The following ROBO2 variants were observed in gnomAD, a reference collection of about 807,000 sequenced individuals.
ROBO2 encodes the protein roundabout homolog 2.
ROBO2 carries 53 observed loss-of-function variants against 160.8 expected under a neutral mutation model. The observed-to-expected ratio is 0.33, with a 90% confidence interval of 0.26 to 0.41. ROBO2 has a LOEUF of 0.41. Among genes scored for constraint, ROBO2 ranks in the 10% least tolerant of loss-of-function variants. The pLI is 1.00. For missense variants in ROBO2, 1,577 were observed against 1,722.4 expected (o/e 0.92, Z 1.49); for synonymous variants, 664 against 611.7 (o/e 1.09, Z -1.26).
chr3:75,967,502 A>C (rs181183830), intron 2 of ROBO2, among the ~76,000 whole-genome samples: 1 of 151,702 alleles, frequency 6.6e-6, no homozygotes. Flanking sequence ...TACTACAATA[A>C]CTACAATAAT....
chr3:76,767,852 A>G (rs1272802303), intron 2 of ROBO2, among the ~76,000 whole-genome samples: 1 of 151,500 alleles, frequency 6.6e-6, no homozygotes. Context: ...ATCATCAAAA[A>G]CATAAATTTT....
intron 2 of ROBO2, among the ~76,000 whole-genome samples, chr3:76,540,100 G>A (rs927724810): frequency 4.6e-5 from 7 of 151,894 alleles, no homozygotes; most frequent in African/African-American, 1.7e-4. Context: ...ACAGAGTTGA[G>A]TATGCATGAG....
chr3:76,714,020 C>T (rs1448089824), intron 2 of ROBO2, among the ~76,000 whole-genome samples: 2 of 151,290 alleles, frequency 1.3e-5, no homozygotes, highest in Admixed American at 1.3e-4. Context: ...AAAAACTGTA[C>T]AGAAAACCGT....
chr3:77,312,590 T>C (rs1172040774), intron 2 of ROBO2, among the ~76,000 whole-genome samples: 1 of 152,202 alleles, frequency 6.6e-6, no homozygotes, highest in Non-Finnish European at 1.5e-5. Context: ...TTTTTAAATA[T>C]TTTTGAGTGA....
At chr3:75,960,526 T>G (rs866794921) in intron 2 of ROBO2, among the ~76,000 whole-genome samples, 1 of 151,802 alleles carries the variant, frequency 6.6e-6, no homozygotes, top group South Asian at 2.1e-4. Flanking sequence ...ATATATAACT[T>G]CTAATATTTT....
rs766273161 is a variant in ROBO2 at position 77,617,772 on chromosome 3, T to G, written c.3553T>G (p.Trp1185Gly). 1.0e-4 allele frequency: 168 copies of G among 1,611,558 alleles called. 1 individual carries two copies. Among genetic ancestry groups the G allele is most frequent in the Non-Finnish European group, 7.7e-5 (91 of 1,179,912 alleles). The stretch of plus-strand genomic sequence containing the variant: ...TCAGTTTGATATAGCAAAACAAACA[T>G]GGTAAATATCTTCATTAAGTCAAGA... The change falls in exon 22 of 26, where the codon TGG (tryptophan) becomes GGG (glycine). Residue 1185 changes from tryptophan to glycine, a missense_variant and splice_region_variant. Coordinates refer to ENST00000461745, the Ensembl canonical transcript of ROBO2.
intron 12 of ROBO2, among the ~76,000 whole-genome samples, chr3:77,566,260 C>T (rs1267017576): frequency 6.6e-6 from 1 of 152,038 alleles, no homozygotes; most frequent in Admixed American, 6.6e-5. Context: ...GAGGAAATGC[C>T]ATTTTGCTAT....
rs755070628 is a variant in ROBO2 at position 76,834,171 on chromosome 3, T to TTCTTTC, written c.110-263840_110-263839insTTCTCT. Among the ~76,000 whole-genome samples the TTCTTTC allele has an allele frequency of 2.6e-3, 306 of 117,104 alleles. 10 individuals are homozygous for TTCTTTC. The highest frequency in any genetic ancestry group is 8.3e-3 in the African/African-American group (260 of 31,304). The allele number at this position is 117,104 out of a possible 152,430, so 76.8% of individuals were successfully genotyped here. ...CCTTTCTTTCTCTCTCTTTCTTTCT[T>TTCTTTC]TCTCTCTCTCTCTCTCTCTTTCTTT... On this transcript the variant is annotated intron_variant, in intron 2 of 26. Transcript: ENST00000487694.
chr3:76,761,958 T>A (rs2061331024), intron 2 of ROBO2, among the ~76,000 whole-genome samples: 1 of 150,504 alleles, frequency 6.6e-6, no homozygotes, highest in African/African-American at 2.5e-5. Flanking sequence ...ATCATAAACT[T>A]TTTTTTATCT....
At chr3:77,623,825 G>A (rs866641925) in intron 23 of ROBO2, among the ~76,000 whole-genome samples, 5 of 152,178 alleles carry the variant, frequency 3.3e-5, no homozygotes, top group African/African-American at 1.2e-4. Context: ...TAGGAATGCA[G>A]TAACAAATTG....
chr3:76,934,482 C>T (rs2077558537), intron 2 of ROBO2, among the ~76,000 whole-genome samples: 1 of 152,106 alleles, frequency 6.6e-6, no homozygotes, highest in Non-Finnish European at 1.5e-5. Context: ...GTGGCCCACA[C>T]CTATAATCCG....
intron 2 of ROBO2, among the ~76,000 whole-genome samples, chr3:76,940,881 A>C (rs1041932190): frequency 1.3e-5 from 2 of 152,202 alleles, no homozygotes; most frequent in Non-Finnish European, 2.9e-5. Flanking sequence ...GCTTTCATCT[A>C]AACTTTTTCT....
At chr3:76,628,623 T>G (rs1158019403) in intron 2 of ROBO2, among the ~76,000 whole-genome samples, 3 of 152,164 alleles carry the variant, frequency 2.0e-5, no homozygotes, top group African/African-American at 4.8e-5. Flanking sequence ...AAACTTTTTT[T>G]TCCTCACTGG....
At chr3:75,933,712 G>T (rs1354786299) in intron 1 of ROBO2, among the ~76,000 whole-genome samples, 1 of 152,026 alleles carries the variant, frequency 6.6e-6, no homozygotes, top group Non-Finnish European at 1.5e-5. Flanking sequence ...GGCTGGGGAA[G>T]AATAAAACCA....
intron 2 of ROBO2, among the ~76,000 whole-genome samples, chr3:76,822,549 T>C (rs2066212780): frequency 6.6e-6 from 1 of 152,020 alleles, no homozygotes; most frequent in African/African-American, 2.4e-5. Flanking sequence ...ATGTTCTATG[T>C]ACTTTACATG....
chr3:77,214,528 T>C (rs539612363), intron 2 of ROBO2, among the ~76,000 whole-genome samples: 5 of 152,340 alleles, frequency 3.3e-5, no homozygotes, highest in African/African-American at 1.2e-4. Context: ...CTTGACTCTT[T>C]ATCGAATTTG....
At chr3:77,295,910 G>A (rs1196225933) in intron 2 of ROBO2, among the ~76,000 whole-genome samples, 9 of 139,112 alleles carry the variant, frequency 6.5e-5, no homozygotes, top group African/African-American at 2.3e-4. Flanking sequence ...GTAAGCTGAG[G>A]CTAGATCACC....
chr3:76,987,352 G>T (rs977572805), intron 2 of ROBO2, among the ~76,000 whole-genome samples: 11 of 152,022 alleles, frequency 7.2e-5, no homozygotes, highest in Non-Finnish European at 1.5e-4. Flanking sequence ...GCCGTGTAGT[G>T]GGGGGGAGGG....
At chr3:77,117,763 G>A (rs2074350818) in intron 2 of ROBO2, among the ~76,000 whole-genome samples, 1 of 152,204 alleles carries the variant, frequency 6.6e-6, no homozygotes, top group East Asian at 1.9e-4. Flanking sequence ...AATCTTTCAT[G>A]TGATTATCCC....
Sources: gnomAD v4.1 joint callset for allele counts (sites outside exome capture counted in the v4.1 genomes callset) on GRCh38, gnomAD v4.1.1 for gene constraint, MANE v1.5 for transcripts, NCBI Gene and HGNC (gene_info 2026-07-23, HGNC 2026-07-21) for gene names.